ZC3H12B: variants seen among roughly 807,000 people sequenced by gnomAD.
The protein encoded by ZC3H12B is zinc finger CCCH-type containing 12B.
A neutral mutation model predicts 43.9 loss-of-function variants in ZC3H12B; 7 were observed. That is an observed-to-expected ratio of 0.16 (90% CI 0.09 to 0.30). The LOEUF (loss-of-function observed/expected upper bound fraction) is 0.30, where lower values mean the gene tolerates loss of function less well. ZC3H12B is among the 10% of genes least tolerant of loss of function. The pLI is 1.00. For synonymous variants in ZC3H12B, 222 were observed against 241.7 expected (o/e 0.92, Z 0.76); for missense variants, 475 against 670.2 (o/e 0.71, Z 3.22).
chrX:65,147,746 G>A, the ZC3H12B span, among the ~76,000 whole-genome samples: 10 of 111,049 alleles, frequency 9.0e-5, no homozygotes, highest in African/African-American at 2.3e-4. Flanking sequence ...TGAACCCAAC[G>A]TCTACTGGAG....
At chrX:65,329,764 A>G in the ZC3H12B span, among the ~76,000 whole-genome samples, 18 of 111,763 alleles carry the variant, frequency 1.6e-4, no homozygotes, top group African/African-American at 5.9e-4. Flanking sequence ...AGCTTTCTAC[A>G]TATGGCTAGC....
chrX:65,226,953 C>G, the ZC3H12B span, among the ~76,000 whole-genome samples: 2 of 110,871 alleles, frequency 1.8e-5, no homozygotes, highest in Admixed American at 1.9e-4. Flanking sequence ...ACACCCCACT[C>G]TCAACATTAC....
intron 2 of ZC3H12B, among the ~76,000 whole-genome samples, chrX:65,376,973 T>G (rs1158312467): frequency 1.8e-5 from 2 of 110,725 alleles, no homozygotes; most frequent in Non-Finnish European, 3.8e-5. Flanking sequence ...ACCTTTCAGA[T>G]AGATAAGATA....
At chrX:65,327,061 G>A in the ZC3H12B span, among the ~76,000 whole-genome samples, 6 of 111,295 alleles carry the variant, frequency 5.4e-5, no homozygotes, top group Non-Finnish European at 1.1e-4. Context: ...GAAAAACAGT[G>A]TGGAGACTCC....
the ZC3H12B span, among the ~76,000 whole-genome samples, chrX:65,360,655 C>T: frequency 8.9e-6 from 1 of 112,440 alleles, no homozygotes; most frequent in African/African-American, 3.2e-5. Flanking sequence ...TTAAGTTAAT[C>T]ATACAACTAC....
intron 2 of ZC3H12B, among the ~76,000 whole-genome samples, chrX:65,369,870 G>T (rs1239759748): frequency 1.8e-5 from 2 of 111,807 alleles, no homozygotes; most frequent in Non-Finnish European, 3.8e-5. Context: ...TTCTAGACTT[G>T]TGTTGCATAC....
At chrX:65,454,185 G>A (rs1350934640) in intron 3 of ZC3H12B, among the ~76,000 whole-genome samples, 2 of 112,743 alleles carry the variant, frequency 1.8e-5, no homozygotes, top group African/African-American at 6.4e-5. Flanking sequence ...CTGAAGCAGG[G>A]CGAGGCATCA....
intron 3 of ZC3H12B, among the ~76,000 whole-genome samples, chrX:65,450,867 GTATATATATACATATGTGTATATA>G (rs1569413327): frequency 2.5e-5 from 2 of 80,951 alleles, no homozygotes; most frequent in East Asian, 8.1e-4. Context: ...GTGTATATAT[GTATATATATACATATGTGTATATA>G]TGTATATATA....
chrX:65,448,539 G>A (rs2067412741), intron 3 of ZC3H12B, among the ~76,000 whole-genome samples: 2 of 111,693 alleles, frequency 1.8e-5, no homozygotes, highest in African/African-American at 3.3e-5. Context: ...ATGTGGGACC[G>A]GGCACTGTGG....
the ZC3H12B span, among the ~76,000 whole-genome samples, chrX:65,233,807 A>C: frequency 9.0e-6 from 1 of 111,425 alleles, no homozygotes; most frequent in Non-Finnish European, 1.9e-5. Flanking sequence ...GTTTTCTCAA[A>C]AGATAAACAA....
the ZC3H12B span, among the ~76,000 whole-genome samples, chrX:65,046,595 T>A: frequency 2.7e-5 from 3 of 112,346 alleles, no homozygotes; most frequent in South Asian, 1.1e-3. Context: ...TAAAACTGTC[T>A]TAACAGCCAT....
At chrX:65,404,919 C>T (rs909670381) in intron 3 of ZC3H12B, among the ~76,000 whole-genome samples, 44 of 112,270 alleles carry the variant, frequency 3.9e-4, no homozygotes, top group Admixed American at 3.5e-3. Context: ...TTCTTCAGCA[C>T]ATGGATTATT....
At chrX:65,127,948 C>T in the ZC3H12B span, among the ~76,000 whole-genome samples, 1 of 111,709 alleles carries the variant, frequency 9.0e-6, no homozygotes, top group African/African-American at 3.3e-5. Flanking sequence ...TCCCAGACCA[C>T]GAGCCTCCTC....
chrX:65,293,543 T>A, the ZC3H12B span, among the ~76,000 whole-genome samples: 47 of 108,832 alleles, frequency 4.3e-4, no homozygotes, highest in African/African-American at 1.6e-3. Context: ...AGAAGGTCAG[T>A]TATTAAGCTA....
At chrX:65,212,091 A>C in the ZC3H12B span, among the ~76,000 whole-genome samples, 51 of 60,209 alleles carry the variant, frequency 8.5e-4, no homozygotes, top group Admixed American at 9.9e-3. Flanking sequence ...ATATTGTATA[A>C]TATATAGTAT....
chrX:65,096,203 CTG>C, the ZC3H12B span, among the ~76,000 whole-genome samples: 3 of 70,649 alleles, frequency 4.2e-5, no homozygotes, highest in South Asian at 1.6e-3. Context: ...ACAACACACA[CTG>C]GGGCCTGTCG....
intron 3 of ZC3H12B, among the ~76,000 whole-genome samples, chrX:65,418,494 T>C (rs950197588): frequency 2.7e-5 from 3 of 111,183 alleles, no homozygotes; most frequent in African/African-American, 9.8e-5. Flanking sequence ...GCAATAGGAG[T>C]AATTGGACCT....
At chrX:65,266,919 A>C in the ZC3H12B span, among the ~76,000 whole-genome samples, 1 of 110,733 alleles carries the variant, frequency 9.0e-6, no homozygotes, top group African/African-American at 3.3e-5. Context: ...AAGACTGAAA[A>C]GCCTGGAAGG....
chrX:65,045,765 A>T, the ZC3H12B span, among the ~76,000 whole-genome samples: 4 of 112,227 alleles, frequency 3.6e-5, no homozygotes, highest in African/African-American at 1.3e-4. Context: ...CCAGCAGAGG[A>T]ATCATTGTCT....
Sources: gnomAD v4.1 joint callset for allele counts (sites outside exome capture counted in the v4.1 genomes callset) on GRCh38, gnomAD v4.1.1 for gene constraint, MANE v1.5 for transcripts, NCBI Gene and HGNC (gene_info 2026-07-23, HGNC 2026-07-21) for gene names.